UGT1A8: variants seen among roughly 807,000 people sequenced by gnomAD.
UGT1A8 encodes the protein UDP glucuronosyltransferase family 1 member A8.
UGT1A8 carries 39 observed loss-of-function variants against 45.3 expected under a neutral mutation model. The ratio of observed to expected loss-of-function variants is 0.86; its 90% CI spans 0.67 to 1.12. The LOEUF (loss-of-function observed/expected upper bound fraction) is 1.12. UGT1A8 is among the 50% of genes most tolerant of loss of function. UGT1A8 has a pLI of 0.00. For missense variants in UGT1A8, 719 were observed against 664.9 expected (o/e 1.08, Z -0.90); for synonymous variants, 275 against 249.2 (o/e 1.10, Z -0.97).
chr2:233,649,049 C>T, intron 1 of UGT1A8: 1 of 1,003,074 alleles, frequency 1.0e-6, no homozygotes, highest in Non-Finnish European at 1.3e-6. Context: ...TCCTTTAGCA[C>T]ATTAAAAGTA....
intron 1 of UGT1A8, among the ~76,000 whole-genome samples, chr2:233,727,898 G>T (rs1417233158): frequency 6.6e-6 from 1 of 152,198 alleles, no homozygotes; most frequent in Admixed American, 6.5e-5. Flanking sequence ...ACACGGCCAG[G>T]CAAGAAGACA....
intron 1 of UGT1A8, among the ~76,000 whole-genome samples, chr2:233,643,739 C>G (rs1393781138): frequency 6.6e-6 from 1 of 152,142 alleles, no homozygotes; most frequent in Non-Finnish European, 1.5e-5. Flanking sequence ...TATTCAGGTT[C>G]CAAGGTCTCT....
chr2:233,744,560 T>C (rs1423343809), intron 1 of UGT1A8, among the ~76,000 whole-genome samples: 1 of 151,924 alleles, frequency 6.6e-6, no homozygotes, highest in Admixed American at 6.5e-5. Flanking sequence ...CAAAATGTAG[T>C]GAGAAGAGTG....
At chr2:233,760,894 C>T (rs1697601712) in intron 1 of UGT1A8, 6 of 1,614,174 alleles carry the variant, frequency 3.7e-6, no homozygotes, top group Non-Finnish European at 5.1e-6. Flanking sequence ...TCATTCAGAT[C>T]ACATGACCTT....
chr2:233,690,761 AC>A (rs1559344505), intron 1 of UGT1A8: 32 of 731,228 alleles, frequency 4.4e-5, no homozygotes, highest in Middle Eastern at 5.8e-4. Context: ...GTGCAGACAT[AC>A]ACACACACAC....
intron 1 of UGT1A8, among the ~76,000 whole-genome samples, chr2:233,735,435 G>C (rs2078651212): frequency 6.6e-6 from 1 of 152,062 alleles, no homozygotes; most frequent in South Asian, 2.1e-4. Flanking sequence ...CCTGAATACA[G>C]CATACCGATG....
chr2:233,680,985 G>T (rs563383872), intron 1 of UGT1A8, among the ~76,000 whole-genome samples: 147 of 152,136 alleles, frequency 9.7e-4, no homozygotes, highest in African/African-American at 3.3e-3. Context: ...AGGCAGGGTT[G>T]TCAATCTCAT....
At chr2:233,766,327 G>T (rs373926451) in intron 1 of UGT1A8, among the ~76,000 whole-genome samples, 1 of 152,130 alleles carries the variant, frequency 6.6e-6, no homozygotes, top group Admixed American at 6.5e-5. Flanking sequence ...CAAACTCCGC[G>T]TTGTTCTGCT....
intron 1 of UGT1A8, among the ~76,000 whole-genome samples, chr2:233,725,317 C>CAGA (rs1559370683): frequency 2.7e-5 from 1 of 37,458 alleles, no homozygotes; most frequent in Admixed American, 2.3e-4. Flanking sequence ...GAGGCAGAGG[C>CAGA]GCCTGGTCAA....
intron 1 of UGT1A8, among the ~76,000 whole-genome samples, chr2:233,765,217 G>C (rs1406021636): frequency 6.6e-6 from 1 of 152,092 alleles, no homozygotes; most frequent in Non-Finnish European, 1.5e-5. Flanking sequence ...AGTATTCTTT[G>C]CAAACATAAA....
rs1377408060 is a variant in UGT1A8, at chr2:233,769,430, CTCA to C, written c.1295+993_1295+995del. Reference sequence around the variant, plus strand: ...GTGTGCGTTTGTGCATGTGGCTGTGCTCATGTGTGGGTGCACACGTGTGCATTC... The same window carrying C: ...GTGTGCGTTTGTGCATGTGGCTGTGCTGTGTGGGTGCACACGTGTGCATTC... On this transcript the variant is annotated intron_variant, in intron 4 of 4. Transcript: ENST00000373450. This position sits in a 1 kb window ranked among gnomAD's most constrained non-coding sequence, Gnocchi z 4.4. 42 of 1,537,292 alleles carry C rather than the reference CTCA, an allele frequency of 2.7e-5. No homozygotes were observed. The highest frequency in any genetic ancestry group is 3.7e-5 in the Non-Finnish European group (41 of 1,118,590).
rs34526305 is a variant in UGT1A8 at position 233,760,428 on chromosome 2, C to T, written c.856-6606C>T. The T allele has an allele frequency of 1.7e-3, 2,732 of 1,614,194 alleles. 18 individuals carry two copies. Among genetic ancestry groups the T allele is most frequent in the Middle Eastern group, 9.2e-3 (56 of 6,062 alleles). ...ACTGGCTGAGCATGCTTGGGGCCAT[C>T]CAGCAGCTGCAGCAGAGGGGACATG... On this transcript the variant is annotated intron_variant, in intron 1 of 4. Coordinates refer to ENST00000373450, the MANE Select transcript of UGT1A8 (RefSeq NM_019076.5).
At chr2:233,697,355 T>C (rs1350748190) in intron 1 of UGT1A8, among the ~76,000 whole-genome samples, 1 of 152,124 alleles carries the variant, frequency 6.6e-6, no homozygotes, top group Admixed American at 6.5e-5. Context: ...GTTTTCTAAT[T>C]TGTTGGCATA....
chr2:233,739,714 GGACTT>G (rs1004679723), intron 1 of UGT1A8, among the ~76,000 whole-genome samples: 28 of 152,292 alleles, frequency 1.8e-4, no homozygotes, highest in African/African-American at 6.3e-4. Context: ...ATGGGGGAAG[GGACTT>G]GACTTGTCTC....
intron 1 of UGT1A8, among the ~76,000 whole-genome samples, chr2:233,673,121 T>A (rs942765449): frequency 6.6e-6 from 1 of 152,190 alleles, no homozygotes; most frequent in South Asian, 2.1e-4. Context: ...GAGGAAATGG[T>A]CTTAGTTTTG....
chr2:233,685,757 G>T (rs529192203), intron 1 of UGT1A8, among the ~76,000 whole-genome samples: 1 of 152,176 alleles, frequency 6.6e-6, no homozygotes, highest in African/African-American at 2.4e-5. Context: ...CCATTTTAAA[G>T]AAAAATTTTG....
At chr2:233,653,857 A>G (rs1409507070) in intron 1 of UGT1A8, among the ~76,000 whole-genome samples, 1 of 152,244 alleles carries the variant, frequency 6.6e-6, no homozygotes, top group Non-Finnish European at 1.5e-5. Context: ...TCAGCCTCCC[A>G]AAGTCCTGGG....
intron 1 of UGT1A8, among the ~76,000 whole-genome samples, chr2:233,710,674 T>G (rs938811866): frequency 9.9e-5 from 15 of 152,206 alleles, no homozygotes; most frequent in Non-Finnish European, 2.2e-4. Context: ...CAGATAGTTG[T>G]GTTTCTGTTT....
In UGT1A8 at chr2:233,717,239, G is replaced by A. The variant is rs28898607; in HGVS notation, c.856-49795G>A. 4.1e-3 allele frequency among the ~76,000 whole-genome samples: 632 copies of A among 152,306 alleles called. 8 individuals are homozygous for A. Among genetic ancestry groups the A allele is most frequent in the African/African-American group, 0.014 (600 of 41,574 alleles). On this transcript the variant is annotated intron_variant, in intron 1 of 4. Coordinates refer to ENST00000373450, the MANE Select transcript of UGT1A8 (RefSeq NM_019076.5). ...TCATCAGGAGGGTTCTTAAGATGCAGACAGTTTTAAGGGGGTTGGAGGAAT... is the reference window on the plus strand; with the variant it reads ...TCATCAGGAGGGTTCTTAAGATGCAAACAGTTTTAAGGGGGTTGGAGGAAT...
Sources: gnomAD v4.1 joint callset for allele counts (sites outside exome capture counted in the v4.1 genomes callset) on GRCh38, gnomAD v4.1.1 for gene constraint, Gnocchi (gnomAD v3.1) non-coding constraint, MANE v1.5 for transcripts, NCBI Gene and HGNC (gene_info 2026-07-23, HGNC 2026-07-21) for gene names.